The following BRD4 variants were observed in gnomAD, a reference collection of about 807,000 sequenced individuals.
BRD4 encodes bromodomain containing 4.
Under a neutral mutation model 142.1 loss-of-function variants are expected in BRD4, and 16 were observed. The observed-to-expected ratio is 0.11, with a 90% CI of 0.08 to 0.17. The LOEUF is 0.17. Among genes scored for constraint, BRD4 ranks in the 10% least tolerant of loss-of-function variants. The pLI is 1.00. For missense variants in BRD4, 1,424 were observed against 1,810.9 expected (o/e 0.79, Z 3.88); for synonymous variants, 833 against 707.5 (o/e 1.18, Z -2.82).
chr19:15,290,546 C>T (rs73508437), intron 1 of BRD4, among the ~76,000 whole-genome samples: 2,131 of 152,218 alleles, frequency 0.014, 41 homozygotes, highest in African/African-American at 0.048. Flanking sequence ...TGCAAGTATA[C>T]ACCTAGAACA....
intron 9 of BRD4, 93 bp from the exon 10 acceptor site, chr19:15,255,685 C>T (rs1260888656): frequency 1.4e-6 from 2 of 1,443,788 alleles, no homozygotes; most frequent in African/African-American, 1.4e-5. Flanking sequence ...GGAAGGGGTG[C>T]CCTTCCCATA....
chr19:15,270,571 T>C (rs1203857771), intron 2 of BRD4, among the ~76,000 whole-genome samples: 1 of 152,158 alleles, frequency 6.6e-6, no homozygotes, highest in Non-Finnish European at 1.5e-5. Flanking sequence ...CATGTCTCAA[T>C]GGCCAACAGA....
intron 1 of BRD4, among the ~76,000 whole-genome samples, chr19:15,302,668 CAAAAAAAAA>C (rs572714842): frequency 1.8e-3 from 103 of 56,786 alleles, no homozygotes; most frequent in African/African-American, 6.2e-3. Context: ...GACTCCGACT[CAAAAAAAAA>C]AAAAAAAAAA....
rs1424337417 is a variant in BRD4 at position 15,243,160 on chromosome 19, A to G, written c.2909T>C (p.Leu970Pro). The G allele has an allele frequency of 1.2e-5, 5 of 426,330 alleles. No individual in the cohort carries two copies. The highest frequency in any genetic ancestry group is 6.2e-5 in the African/African-American group (2 of 32,144). The allele number at this position is 426,330 out of a possible 1,614,324, so 26.4% of individuals were successfully genotyped here. Residue 970 changes from leucine to proline, a missense_variant, in exon 14 of 20, where the codon CTG becomes CCG. Around this residue, in one of 16 missense-constraint regions of BRD4, gnomAD observed 598 missense variants for 647.8 expected, o/e 0.92. Coordinates refer to ENST00000679869, the MANE Select transcript of BRD4 (RefSeq NM_001379291.1). ...TGGGGGTGGTGGCGGCTGCTGCTGC[A>G]GCTGCTGCTGCACAGAGGGGTGGGG... The part of the protein sequence containing the change: ...PPPHPSVQQQ[L>P]QQQPPPPPPP...
rs2047196488 is a variant in BRD4, at chr19:15,236,964, G to C, written c.*1413C>G. ...ACTGAGGCACCAGCGTCGTGGTGTA[G>C]AGTGGGTTCTCATGGCACGCGTAAC... On this transcript the variant is annotated 3_prime_UTR_variant, in exon 20 of 20. Transcript: ENST00000679869. The C allele has an allele frequency of 5.0e-6, 1 of 201,776 alleles. No individual in the cohort carries two copies. Among genetic ancestry groups the C allele is most frequent in the Non-Finnish European group, 1.0e-5 (1 of 99,304 alleles). The allele number at this position is 201,776 out of a possible 1,614,324, so 12.5% of individuals were successfully genotyped here. A position where few individuals can be genotyped will look rare whatever the true frequency, so the allele number is the denominator to read the frequency against.
chr19:15,290,960 C>A (rs978411223), intron 1 of BRD4, among the ~76,000 whole-genome samples: 1 of 152,144 alleles, frequency 6.6e-6, no homozygotes, highest in African/African-American at 2.4e-5. Flanking sequence ...GCATTAAAGA[C>A]GCATATGGTA....
intron 1 of BRD4, among the ~76,000 whole-genome samples, chr19:15,300,171 G>A (rs2145685514): frequency 6.6e-6 from 1 of 152,216 alleles, no homozygotes; most frequent in Non-Finnish European, 1.5e-5. Flanking sequence ...CTTGAACCCG[G>A]GAGGCAGAGG....
rs2048085062 is a variant in BRD4 at position 15,323,798 on chromosome 19, C to A, written c.-35+8492G>T. Among the ~76,000 whole-genome samples, 3 of 152,310 alleles carry A rather than the reference C, an allele frequency of 2.0e-5. No individual in the cohort carries two copies. The South Asian group carries it at 6.2e-4, about 32-fold the overall frequency. On this transcript the variant is annotated intron_variant, in intron 1 of 19. Transcript: ENST00000679869. ...GACCAAGACAAGGAAGGTGACCACA[C>A]ATACTAAGTAGGAAGGGCCTGGATA...
chr19:15,271,808 T>C (rs1329547195), intron 2 of BRD4, among the ~76,000 whole-genome samples: 3 of 150,498 alleles, frequency 2.0e-5, no homozygotes, highest in Non-Finnish European at 4.4e-5. Context: ...CCCCGAGTGC[T>C]TGACACGTAT....
At position 15,239,348 on chromosome 19, in the gene BRD4, C is replaced by T. The variant is rs536597957; in HGVS notation, c.3576+44G>A. On this transcript the variant is annotated intron_variant, in intron 17 of 19. Coordinates refer to ENST00000679869, the MANE Select transcript of BRD4 (RefSeq NM_001379291.1). This position sits in a 1 kb window ranked among gnomAD's most constrained non-coding sequence, Gnocchi z 7.4. The stretch of plus-strand genomic sequence containing the variant: ...GGGGGTGTGCCCAGCATGGCACCTT[C>T]CAGGGCCAAGGGGCAAGCGACACCC... 5.0e-6 allele frequency: 8 copies of T among 1,614,120 alleles called. No homozygotes were observed. In the African/African-American group the frequency reaches 1.1e-4, roughly 22 times the overall value.
chr19:15,312,893 G>C (rs1238982894), intron 1 of BRD4, among the ~76,000 whole-genome samples: 1 of 151,468 alleles, frequency 6.6e-6, no homozygotes, highest in Admixed American at 6.6e-5. Context: ...CGGAGGTCAT[G>C]TCATTGCACT....
intron 1 of BRD4, among the ~76,000 whole-genome samples, chr19:15,298,810 A>T (rs1005302404): frequency 2.2e-4 from 33 of 152,124 alleles, no homozygotes; most frequent in Non-Finnish European, 1.0e-4. Context: ...AAGAATGCCC[A>T]ATCATTCAAA....
intron 10 of BRD4, 109 bp downstream of exon 10, chr19:15,255,187 TG>T (rs1248201120): frequency 6.5e-6 from 7 of 1,084,854 alleles, no homozygotes; most frequent in Non-Finnish European, 9.0e-6. Context: ...ATATTATAAT[TG>T]GAAAAAAAAA....
At position 15,238,943 on chromosome 19, in the gene BRD4, G is replaced by T; in HGVS notation, c.3820C>A (p.Arg1274=). 6.3e-7 allele frequency: 1 copy of T among 1,596,550 alleles called. No homozygotes were observed. Among genetic ancestry groups the T allele is most frequent in the Non-Finnish European group, 8.5e-7 (1 of 1,173,962 alleles). ...CGCCGACGTGCCTCCTCATGGGCCC[G>T]CCGGGCCTGCTCCAGCGCATCCTCG... ...EDEDALEQAR[R]AHEEARRRQE... is the part of the protein sequence containing the mutation. The change falls in exon 19 of 20, where the codon CGG becomes AGG. Residue 1274 remains arginine (R), a synonymous_variant. Coordinates refer to ENST00000679869, the MANE Select transcript of BRD4 (RefSeq NM_001379291.1). The surrounding 1 kb of genome is among the most constrained non-coding windows in gnomAD (Gnocchi z 7.2).
chr19:15,284,469 C>A (rs1341278905), intron 1 of BRD4, among the ~76,000 whole-genome samples: 1 of 152,166 alleles, frequency 6.6e-6, no homozygotes, highest in Non-Finnish European at 1.5e-5. Context: ...CTGATACACA[C>A]CCCCAAGGGT....
intron 1 of BRD4, among the ~76,000 whole-genome samples, chr19:15,306,726 AG>A (rs1409286676): frequency 2.0e-5 from 3 of 152,008 alleles, no homozygotes; most frequent in Admixed American, 1.3e-4. Context: ...GATGGGAAAT[AG>A]TCAGTAGCTG....
intron 1 of BRD4, among the ~76,000 whole-genome samples, chr19:15,310,033 A>G (rs561850311): frequency 2.8e-4 from 43 of 152,148 alleles, no homozygotes; most frequent in African/African-American, 1.0e-3. Flanking sequence ...TTGTGGTTAC[A>G]TTCTGAGGCA....
At chr19:15,311,302 A>T (rs28730439) in intron 1 of BRD4, among the ~76,000 whole-genome samples, 1 of 152,012 alleles carries the variant, frequency 6.6e-6, no homozygotes, top group South Asian at 2.1e-4. Flanking sequence ...AAAAAAAAAC[A>T]AAAAAACAAA....
At chr19:15,250,757 A>G (rs1568381038) in intron 11 of BRD4, among the ~76,000 whole-genome samples, 1 of 152,218 alleles carries the variant, frequency 6.6e-6, no homozygotes, top group Non-Finnish European at 1.5e-5. Flanking sequence ...ACCAGATGTC[A>G]GCTATGTGAC....
Sources: gnomAD v4.1 joint callset for allele counts (sites outside exome capture counted in the v4.1 genomes callset) on GRCh38, gnomAD v4.1.1 for gene constraint, gnomAD v4.1.1 regional missense constraint, Gnocchi (gnomAD v3.1) non-coding constraint, MANE v1.5 for transcripts, NCBI Gene and HGNC (gene_info 2026-07-23, HGNC 2026-07-21) for gene names.